IL16: variants seen among roughly 807,000 people sequenced by gnomAD.
IL16 encodes interleukin 16.
In IL16, 67 loss-of-function variants were observed where a neutral mutation model predicts 110.1. That is an observed-to-expected ratio of 0.61 (90% CI 0.50 to 0.75). The LOEUF is 0.75. IL16 is among the 30% of genes least tolerant of loss of function. The pLI is 0.00. For synonymous variants in IL16, 689 were observed against 662.9 expected (o/e 1.04, Z -0.61); for missense variants, 1,545 against 1,655.0 (o/e 0.93, Z 1.15).
Position 81,313,164 on chromosome 15 carries a change from G to C in IL16, c.*4366G>C, listed in dbSNP as rs1596068092. 7.2e-7 allele frequency: 1 copy of C among 1,392,172 alleles called. No homozygotes were observed. Among genetic ancestry groups the C allele is most frequent in the East Asian group, 2.7e-5 (1 of 37,208 alleles). 86.2% of individuals were successfully genotyped at this position (1,392,172 alleles called of 1,614,324 possible). ...CAGCTTGTTCCAAAGAGTGAACACAGGCCTCTGCGTGCTCCCAGGCTCCTT... is the reference window on the plus strand; with the variant it reads ...CAGCTTGTTCCAAAGAGTGAACACACGCCTCTGCGTGCTCCCAGGCTCCTT... On this transcript the variant is annotated 3_prime_UTR_variant, in exon 19 of 19. Transcript: ENST00000683961.
At chr15:81,295,602 A>G in intron 12 of IL16, 1 of 865,434 alleles carries the variant, frequency 1.2e-6, no homozygotes, top group Non-Finnish European at 1.6e-6. Context: ...TGGAGCTTCT[A>G]ATGCCATGAC....
chr15:81,219,614 A>T lies in IL16; in HGVS notation c.-101-5685A>T, dbSNP rs545287463. ...TGCTGAAAGTGCAATGGTCCCTGTG[A>T]GGGGCTTCTCCAGGATCTTAAGGAC... On this transcript the variant is annotated intron_variant, in intron 1 of 18. Coordinates refer to ENST00000683961, the MANE Select transcript of IL16 (RefSeq NM_172217.5). Among the ~76,000 whole-genome samples the T allele has an allele frequency of 4.6e-5, 7 of 152,194 alleles. 1 individual carries two copies. In the South Asian group the frequency reaches 1.5e-3, roughly 32 times the overall value.
intron 18 of IL16, among the ~76,000 whole-genome samples, chr15:81,307,524 G>A (rs1900635195): frequency 6.6e-6 from 1 of 152,208 alleles, no homozygotes. Flanking sequence ...CAGAATCCAT[G>A]TTAACCCCAA....
intron 2 of IL16, among the ~76,000 whole-genome samples, chr15:81,230,301 G>A (rs774533674): frequency 5.9e-5 from 9 of 152,202 alleles, no homozygotes; most frequent in Admixed American, 4.6e-4. Context: ...TTGCAAATGG[G>A]AAGAGTATTT....
At chr15:81,231,447 C>T (rs1314827533) in intron 2 of IL16, among the ~76,000 whole-genome samples, 1 of 151,218 alleles carries the variant, frequency 6.6e-6, no homozygotes, top group Admixed American at 6.6e-5. Flanking sequence ...AACATGGGCT[C>T]ACCACAACCT....
intron 1 of IL16, among the ~76,000 whole-genome samples, chr15:81,203,980 T>C (rs1056519514): frequency 2.0e-4 from 31 of 151,836 alleles, no homozygotes; most frequent in Middle Eastern, 6.8e-3. Flanking sequence ...CATTTGTTTG[T>C]ATCCTCTTTT....
chr15:81,268,744 A>G (rs998164992), intron 4 of IL16, among the ~76,000 whole-genome samples: 1 of 152,286 alleles, frequency 6.6e-6, no homozygotes, highest in Non-Finnish European at 1.5e-5. Context: ...TAATAATGAC[A>G]AGAAACATTT....
At chr15:81,225,214 C>A in intron 1 of IL16, 85 bp from the exon 2 acceptor site, 1 of 1,136,286 alleles carries the variant, frequency 8.8e-7, no homozygotes, top group Non-Finnish European at 1.2e-6. Context: ...CACCAAGAAC[C>A]CGTGGCTCAG....
At chr15:81,293,234 C>G (rs959624983) in intron 12 of IL16, among the ~76,000 whole-genome samples, 197 bp downstream of exon 12, 1 of 152,188 alleles carries the variant, frequency 6.6e-6, no homozygotes, top group Non-Finnish European at 1.5e-5. Flanking sequence ...AATTGAAGTC[C>G]CAGTCCTGCT....
At chr15:81,307,665 C>G (rs1900640592) in intron 18 of IL16, among the ~76,000 whole-genome samples, 1 of 152,224 alleles carries the variant, frequency 6.6e-6, no homozygotes, top group Non-Finnish European at 1.5e-5. Flanking sequence ...CAAGTCACTT[C>G]ACCACCATGG....
intron 2 of IL16, among the ~76,000 whole-genome samples, chr15:81,248,171 T>G (rs1479939955): frequency 6.6e-6 from 1 of 152,208 alleles, no homozygotes; most frequent in Non-Finnish European, 1.5e-5. Context: ...ATCTCTATTA[T>G]TTTTGTTTGA....
At position 81,292,685 on chromosome 15, in the gene IL16, T is replaced by A; in HGVS notation, c.1550T>A (p.Met517Lys). The A allele has an allele frequency of 1.2e-6, 2 of 1,614,132 alleles. No homozygotes were observed. Among genetic ancestry groups the A allele is most frequent in the Non-Finnish European group, 1.7e-6 (2 of 1,180,008 alleles). ...CGCTCCAGCAGTGACAGCAGCTACA[T>A]GTCTGGGTCCCCAGGGGGAAGTCCT... is the stretch of plus-strand genomic sequence containing the variant. ...MIRSSSDSSY[M>K]SGSPGGSPGS... The change falls in exon 12 of 19, where the codon ATG (methionine) becomes AAG (lysine). Residue 517 changes from methionine to lysine, a missense_variant. By Grantham distance (95) the Met-to-Lys change is moderately conservative. Transcript: ENST00000683961.
In IL16 at chr15:81,313,203, C is replaced by T. The variant is rs183925720; in HGVS notation, c.*4405C>T. The T allele has an allele frequency of 2.1e-4, 302 of 1,471,020 alleles. No individual in the cohort carries two copies. The highest frequency in any genetic ancestry group is 2.5e-4 in the Non-Finnish European group (274 of 1,104,992). 91.1% of individuals were successfully genotyped at this position (1,471,020 alleles called of 1,614,324 possible). ...CCCAGGCTCCTTGGTGTCCCAACAG[C>T]TGGAGCTCCTCGATGAGTCACGGGA... On this transcript the variant is annotated 3_prime_UTR_variant, in exon 19 of 19. Coordinates refer to ENST00000683961, the MANE Select transcript of IL16 (RefSeq NM_172217.5).
At chr15:81,278,062 T>G (rs1442910261) in intron 6 of IL16, among the ~76,000 whole-genome samples, 1 of 151,834 alleles carries the variant, frequency 6.6e-6, no homozygotes, top group Non-Finnish European at 1.5e-5. Flanking sequence ...ATTTATTTAT[T>G]TATTTATTTT....
At chr15:81,306,370 T>C in intron 17 of IL16, 50 bp from the exon 18 acceptor site, 1 of 1,605,432 alleles carries the variant, frequency 6.2e-7, no homozygotes, top group Non-Finnish European at 8.5e-7. Flanking sequence ...AGGGCATCTG[T>C]GGCCTGGGAG....
intron 5 of IL16, among the ~76,000 whole-genome samples, chr15:81,271,382 A>G (rs34807583): frequency 0.13 from 19,366 of 152,080 alleles, 1,385 homozygotes; most frequent in East Asian, 0.3. Context: ...CTGAGGTGGG[A>G]GGATTGCTTG....
chr15:81,238,882 A>G (rs1483306453), intron 2 of IL16, among the ~76,000 whole-genome samples: 1 of 148,010 alleles, frequency 6.8e-6, no homozygotes, highest in Non-Finnish European at 1.5e-5. Context: ...CCTGAAGGGT[A>G]GTTTCAATAG....
chr15:81,268,017 T>C (rs778112746), intron 4 of IL16, among the ~76,000 whole-genome samples: 16 of 152,238 alleles, frequency 1.1e-4, no homozygotes, highest in Non-Finnish European at 2.2e-4. Flanking sequence ...CGGATGTCCA[T>C]GCGTGATTTC....
chr15:81,292,401 A>C, intron 11 of IL16, 155 bp from the exon 12 acceptor site: 3 of 1,127,742 alleles, frequency 2.7e-6, no homozygotes, highest in Non-Finnish European at 1.3e-6. Context: ...AGGGACCAAC[A>C]CCAAGACTGC....
Sources: allele counts gnomAD v4.1 joint callset (sites outside exome capture counted in the v4.1 genomes callset), GRCh38; gene constraint gnomAD v4.1.1; transcripts MANE v1.5; gene names NCBI Gene and HGNC (gene_info 2026-07-23, HGNC 2026-07-21).